PLCH1: variants seen among roughly 807,000 people sequenced by gnomAD.
PLCH1 encodes 1-phosphatidylinositol 4,5-bisphosphate phosphodiesterase eta-1.
PLCH1 carries 60 observed loss-of-function variants against 126.7 expected under a neutral mutation model. The ratio of observed to expected loss-of-function variants is 0.47; its 90% confidence interval spans 0.38 to 0.59. PLCH1 has a LOEUF of 0.59. PLCH1 is among the 20% of genes least tolerant of loss of function. PLCH1 has a pLI of 0.00. For synonymous variants in PLCH1, 719 were observed against 734.9 expected (o/e 0.98, Z 0.35); for missense variants, 1,723 against 2,040.0 (o/e 0.84, Z 2.99).
intron 18 of PLCH1, among the ~76,000 whole-genome samples, chr3:155,491,120 A>C (rs950150952): frequency 2.6e-5 from 4 of 152,364 alleles, no homozygotes; most frequent in Middle Eastern, 3.4e-3. Context: ...ACTTTAGTTC[A>C]GGGCAAATAC....
intron 2 of PLCH1, among the ~76,000 whole-genome samples, chr3:155,702,440 A>T (rs556899796): frequency 6.6e-6 from 1 of 152,202 alleles, no homozygotes; most frequent in Non-Finnish European, 1.5e-5. Context: ...ACCATTTTAC[A>T]ATCTCCACAA....
At chr3:155,475,916 A>G (rs1171099441), downstream of PLCH1, among the ~76,000 whole-genome samples, 4 of 152,262 alleles carry the variant, frequency 2.6e-5, no homozygotes, top group South Asian at 8.3e-4. Context: ...TCCTACTCAA[A>G]CTATTCCAGA....
chr3:155,631,204 CA>C (rs1396109752), intron 2 of PLCH1, among the ~76,000 whole-genome samples: 1 of 152,118 alleles, frequency 6.6e-6, no homozygotes, highest in Admixed American at 6.6e-5. Context: ...GCAGTAGACT[CA>C]GAGTAGATGC....
At chr3:155,620,604 A>C (rs1256832082) in intron 2 of PLCH1, among the ~76,000 whole-genome samples, 3 of 152,342 alleles carry the variant, frequency 2.0e-5, no homozygotes, top group Middle Eastern at 3.4e-3. Flanking sequence ...TCAAGAAAGA[A>C]CCAAAGTAAG....
rs766202630 is a variant in PLCH1 at position 155,481,434 on chromosome 3, A to G, written c.4592T>C (p.Ile1531Thr). The change falls in exon 23 of 23, where the codon ATA becomes ACA. Residue 1531 changes from isoleucine to threonine, a missense_variant. By Grantham distance (89) the Ile-to-Thr change is moderately conservative. Transcript: ENST00000460012. This position sits in a 1 kb window ranked among gnomAD's most constrained non-coding sequence, Gnocchi z 4.2. ...VTVKTKSLEPIDALTEQLRKL... is the reference protein window; with the variant it reads ...VTVKTKSLEPTDALTEQLRKL... ...CCGAAGCTGCTCGGTCAGGGCATCT[A>G]TAGGCTCTAACGACTTTGTCTTCAC... The G allele has an allele frequency of 1.1e-5, 18 of 1,614,028 alleles. No individual in the cohort carries two copies. In the South Asian group the frequency reaches 1.6e-4, roughly 15 times the overall value.
chr3:155,516,081 G>A (rs781321524), intron 11 of PLCH1, among the ~76,000 whole-genome samples: 1 of 152,094 alleles, frequency 6.6e-6, no homozygotes, highest in Non-Finnish European at 1.5e-5. Flanking sequence ...TCTTTAACAT[G>A]CCCAATTAAT....
At chr3:155,533,844 A>G (rs978389601) in intron 10 of PLCH1, among the ~76,000 whole-genome samples, 7 of 152,222 alleles carry the variant, frequency 4.6e-5, no homozygotes, top group Non-Finnish European at 8.8e-5. Flanking sequence ...AGCTCAGGCC[A>G]TTGCTTCAGA....
intron 6 of PLCH1, among the ~76,000 whole-genome samples, chr3:155,582,465 A>G (rs1464162419): frequency 6.6e-6 from 1 of 152,180 alleles, no homozygotes; most frequent in Non-Finnish European, 1.5e-5. Flanking sequence ...TATGTGAATA[A>G]TATCTCAATA....
At chr3:155,490,596 CATAAAAATAAG>C (rs1312745433) in intron 19 of PLCH1, 177 bp downstream of exon 19, 1 of 460,920 alleles carries the variant, frequency 2.2e-6, no homozygotes. Flanking sequence ...ATTACAATAC[CATAAAAATAAG>C]CCACGCATCA....
intron 2 of PLCH1, among the ~76,000 whole-genome samples, chr3:155,664,491 T>C (rs936203493): frequency 6.6e-6 from 1 of 152,246 alleles, no homozygotes; most frequent in African/African-American, 2.4e-5. Flanking sequence ...GTGTGGTCCA[T>C]ACAGCCTCTG....
At chr3:155,680,397 G>T (rs1050908539) in intron 2 of PLCH1, among the ~76,000 whole-genome samples, 3 of 151,936 alleles carry the variant, frequency 2.0e-5, no homozygotes, top group African/African-American at 7.3e-5. Flanking sequence ...AAAAAAGTCA[G>T]TAAAGCCATA....
In PLCH1 at chr3:155,504,110, T is replaced by A. The variant is rs182531722; in HGVS notation, c.1704+445A>T. On this transcript the variant is annotated intron_variant, in intron 13 of 22. Transcript: ENST00000460012. ...CTGACGGGTGAATTCCTTTTCTTTA[T>A]TAGCAATTTGGATATCTTCTTTTGT... Among the ~76,000 whole-genome samples, 441 of 152,360 alleles carry A rather than the reference T, an allele frequency of 2.9e-3. 1 individual carries two copies. The highest frequency in any genetic ancestry group is 0.01 in the African/African-American group (432 of 41,580).
At position 155,713,870 on chromosome 3, in the gene PLCH1, C is replaced by T. The variant is rs1577357543; in HGVS notation, c.-40-9606G>A. Among the ~76,000 whole-genome samples, 5 of 152,276 alleles carry T rather than the reference C, an allele frequency of 3.3e-5. No homozygotes were observed. In the South Asian group the frequency reaches 1.0e-3, roughly 32 times the overall value. ...TTAATAAGGATTATGGAAAACTCCT[C>T]CCTAATATCCCAATCCATTCATCTT... On this transcript the variant is annotated intron_variant, in intron 1 of 22. Coordinates refer to ENST00000460012, the MANE Select transcript of PLCH1 (RefSeq NM_014996.4).
chr3:155,469,087 T>A (rs1265174835), intron 21 of PLCH1, among the ~76,000 whole-genome samples: 1 of 152,154 alleles, frequency 6.6e-6, no homozygotes, highest in African/African-American at 2.4e-5. Flanking sequence ...GATGGCCGAA[T>A]AGGAACAGCT....
intron 8 of PLCH1, among the ~76,000 whole-genome samples, chr3:155,564,530 A>T (rs1333872344): frequency 2.0e-5 from 3 of 152,052 alleles, no homozygotes; most frequent in Non-Finnish European, 2.9e-5. Flanking sequence ...GTGCCACTAC[A>T]CTCCATCCTG....
At chr3:155,742,782 G>A (rs1749723065) in intron 1 of PLCH1, 1 of 152,738 alleles carries the variant, frequency 6.5e-6, no homozygotes, top group Non-Finnish European at 1.5e-5. Flanking sequence ...TGAGATGGGA[G>A]ACAACTTTAA....
Position 155,467,464 on chromosome 3 carries a change from C to T in PLCH1, c.2938+17892G>A, listed in dbSNP as rs1712975330. ...TGGTGCGCACCTGTAATCCCAGCTA[C>T]TTTGGAGGCTGAGGAAGGAGAATCA... On this transcript the variant is annotated intron_variant, in intron 21 of 21. Transcript: ENST00000494598. Among the ~76,000 whole-genome samples, 3 of 151,776 alleles carry T rather than the reference C, an allele frequency of 2.0e-5. No individual in the cohort carries two copies. In the South Asian group the frequency reaches 6.2e-4, roughly 32 times the overall value.
At chr3:155,460,799 TAGATAGATA>T (rs1428496857) in intron 21 of PLCH1, among the ~76,000 whole-genome samples, 1 of 125,704 alleles carries the variant, frequency 8.0e-6, no homozygotes, top group African/African-American at 3.0e-5. Context: ...GATAGATAGA[TAGATAGATA>T]GATAGATAGA....
At chr3:155,666,287 T>C (rs758625088) in intron 2 of PLCH1, among the ~76,000 whole-genome samples, 1 of 152,230 alleles carries the variant, frequency 6.6e-6, no homozygotes, top group Non-Finnish European at 1.5e-5. Flanking sequence ...TTTGGTGACA[T>C]TGAATGTCAT....
Sources: allele counts gnomAD v4.1 joint callset (sites outside exome capture counted in the v4.1 genomes callset), GRCh38; gene constraint gnomAD v4.1.1; non-coding constraint Gnocchi (gnomAD v3.1); transcripts MANE v1.5; gene names NCBI Gene and HGNC (gene_info 2026-07-23, HGNC 2026-07-21).